The following LUZP2 variants were observed in gnomAD, a reference collection of about 807,000 sequenced individuals.
LUZP2 encodes leucine zipper protein 2.
In LUZP2, 52 loss-of-function variants were observed where a neutral mutation model predicts 51.6. The observed-to-expected ratio is 1.01, with a 90% CI of 0.81 to 1.27. LUZP2 has a LOEUF of 1.27. Among genes scored for constraint, LUZP2 ranks in the 50% most tolerant of loss-of-function variants. The pLI is 0.00. For missense variants in LUZP2, 436 were observed against 395.4 expected (o/e 1.10, Z -0.87); for synonymous variants, 154 against 137.3 (o/e 1.12, Z -0.85).
chr11:24,775,358 T>TG (rs34139302), intron 5 of LUZP2, among the ~76,000 whole-genome samples: 12,187 of 152,196 alleles, frequency 0.08, 1,055 homozygotes, highest in African/African-American at 0.22. Flanking sequence ...CCAGCTTACT[T>TG]GCAAAGAAAA....
At chr11:24,850,426 G>A (rs2716526) in intron 5 of LUZP2, among the ~76,000 whole-genome samples, 23,036 of 151,942 alleles carry the variant, frequency 0.15, 1,898 homozygotes, top group African/African-American at 0.2. Context: ...CAAAGATCAG[G>A]CAGTTGTAGA....
chr11:24,708,895 T>C (rs977639138), intron 1 of LUZP2, among the ~76,000 whole-genome samples: 2 of 152,212 alleles, frequency 1.3e-5, no homozygotes, highest in Non-Finnish European at 2.9e-5. Context: ...AAAGTCTGCA[T>C]GTTGGAGCTT....
intron 9 of LUZP2, among the ~76,000 whole-genome samples, chr11:24,987,910 C>G (rs760858022): frequency 6.6e-5 from 10 of 151,896 alleles, no homozygotes; most frequent in Non-Finnish European, 1.3e-4. Flanking sequence ...ATGCTCACAC[C>G]TGGGTGTCAA....
chr11:24,680,321 A>C (rs1856692544), intron 1 of LUZP2, among the ~76,000 whole-genome samples: 1 of 152,118 alleles, frequency 6.6e-6, no homozygotes, highest in Non-Finnish European at 1.5e-5. Context: ...ACTTGCTTAG[A>C]TGGCAAACAT....
At chr11:24,759,721 G>C (rs1274470481) in intron 4 of LUZP2, among the ~76,000 whole-genome samples, 2 of 152,132 alleles carry the variant, frequency 1.3e-5, no homozygotes, top group South Asian at 2.1e-4. Context: ...CTAATAAAAT[G>C]CTTGTGTAGA....
intron 1 of LUZP2, among the ~76,000 whole-genome samples, chr11:24,718,089 G>A (rs1037379605): frequency 6.6e-6 from 1 of 152,188 alleles, no homozygotes; most frequent in Non-Finnish European, 1.5e-5. Flanking sequence ...TAGAGCAAAG[G>A]CTTTCTTTTA....
intron 10 of LUZP2, among the ~76,000 whole-genome samples, chr11:25,070,334 G>A (rs12808169): frequency 3.3e-5 from 5 of 151,880 alleles, no homozygotes; most frequent in Non-Finnish European, 7.4e-5. Context: ...AAAATGTGGA[G>A]CCAGTAAATA....
In LUZP2 at chr11:24,735,517, C is replaced by T. The variant is rs140941039; in HGVS notation, c.252-2704C>T. Among the ~76,000 whole-genome samples the T allele has an allele frequency of 2.5e-3, 387 of 151,902 alleles. 4 individuals carry two copies. Among genetic ancestry groups the T allele is most frequent in the African/African-American group, 9.1e-3 (377 of 41,496 alleles). ...GGACTCGGTATACTAAAGCACTTTA[C>T]AATAATGTTCTCGAAAACTAAAACA... is the stretch of plus-strand genomic sequence containing the variant. On this transcript the variant is annotated intron_variant, in intron 3 of 11. Transcript: ENST00000336930.
chr11:24,646,599 G>T, intron 1 of LUZP2: 2 of 985,038 alleles, frequency 2.0e-6, no homozygotes, highest in Non-Finnish European at 2.4e-6. Context: ...AAGAAAGACT[G>T]GTTGAGTTTG....
chr11:25,042,290 C>CTAA (rs1858092443), intron 9 of LUZP2, among the ~76,000 whole-genome samples: 1 of 151,592 alleles, frequency 6.6e-6, no homozygotes, highest in Non-Finnish European at 1.5e-5. Context: ...TTATAATTAT[C>CTAA]CTCTTGGGAA....
intron 3 of LUZP2, among the ~76,000 whole-genome samples, chr11:24,733,742 T>A (rs1010769317): frequency 7.3e-5 from 11 of 151,188 alleles, no homozygotes; most frequent in South Asian, 2.1e-4. Flanking sequence ...CTGTATTTTT[T>A]AAAAAAAAAT....
intron 1 of LUZP2, among the ~76,000 whole-genome samples, chr11:24,721,202 G>A (rs558898286): frequency 1.5e-4 from 23 of 152,298 alleles, no homozygotes; most frequent in African/African-American, 5.5e-4. Context: ...CATAGTAAAT[G>A]TGGGAAGGGA....
In LUZP2 at chr11:24,986,617, G is replaced by A. The variant is rs187625488; in HGVS notation, c.765+3324G>A. 3.0e-3 allele frequency among the ~76,000 whole-genome samples: 446 copies of A among 151,058 alleles called. 8 individuals carry two copies. The highest frequency in any genetic ancestry group is 1.2e-3 in the Non-Finnish European group (80 of 67,654). On this transcript the variant is annotated intron_variant, in intron 9 of 11. Transcript: ENST00000336930. Reference sequence around the variant, plus strand: ...GCATTATAGATAATATACAAAAAAAGTGACTAACATTTTTTCTACTGCTAT... The same window carrying A: ...GCATTATAGATAATATACAAAAAAAATGACTAACATTTTTTCTACTGCTAT...
intron 5 of LUZP2, among the ~76,000 whole-genome samples, chr11:24,856,878 G>A (rs796451749): frequency 2.0e-5 from 3 of 152,048 alleles, no homozygotes; most frequent in African/African-American, 7.2e-5. Flanking sequence ...CTTATAAGTG[G>A]GAGCTAAATA....
rs1855994052 is a variant in LUZP2, at chr11:24,980,387, C to T, written c.598-2739C>T. On this transcript the variant is annotated intron_variant, in intron 8 of 11. Coordinates refer to ENST00000336930, the MANE Select transcript of LUZP2 (RefSeq NM_001009909.4). ...GAGAAATACTTTCTTATAAAATTTT[C>T]ATATTATACAGTGTAAATGGTAGTA... Among the ~76,000 whole-genome samples, 4 of 151,584 alleles carry T rather than the reference C, an allele frequency of 2.6e-5. 1 individual carries two copies. In the Admixed American group the frequency reaches 2.6e-4, roughly 10 times the overall value.
chr11:24,859,868 A>G (rs1243320506), intron 5 of LUZP2, among the ~76,000 whole-genome samples: 1 of 152,196 alleles, frequency 6.6e-6, no homozygotes, highest in African/African-American at 2.4e-5. Flanking sequence ...TGTGAACCCA[A>G]GCCACTGGGG....
intron 7 of LUZP2, among the ~76,000 whole-genome samples, chr11:24,944,540 G>T (rs911841667): frequency 1.3e-5 from 2 of 152,248 alleles, no homozygotes; most frequent in Non-Finnish European, 2.9e-5. Flanking sequence ...TAGAAAAAAT[G>T]GAAAACCTAA....
At chr11:24,606,121 C>CATAT (rs144452990) in intron 1 of LUZP2, among the ~76,000 whole-genome samples, 1 of 151,282 alleles carries the variant, frequency 6.6e-6, no homozygotes, top group African/African-American at 2.4e-5. Flanking sequence ...CATATGTATA[C>CATAT]ATATATATAT....
At chr11:24,628,124 C>T (rs186820474) in intron 1 of LUZP2, among the ~76,000 whole-genome samples, 4 of 151,968 alleles carry the variant, frequency 2.6e-5, no homozygotes, top group African/African-American at 7.2e-5. Flanking sequence ...TTTTAAGATG[C>T]GTACTTTTAA....
Sources: gnomAD v4.1 joint callset for allele counts (sites outside exome capture counted in the v4.1 genomes callset) on GRCh38, gnomAD v4.1.1 for gene constraint, MANE v1.5 for transcripts, NCBI Gene and HGNC (gene_info 2026-07-23, HGNC 2026-07-21) for gene names.